The following EBNA1BP2 variants were observed in gnomAD, a reference collection of about 807,000 sequenced individuals.
EBNA1BP2 encodes the protein probable rRNA-processing protein EBP2.
EBNA1BP2 carries 36 observed loss-of-function variants against 43.5 expected under a neutral mutation model. That is an observed-to-expected ratio of 0.83 (90% CI 0.63 to 1.09). The LOEUF is 1.09. Ranked by LOEUF, EBNA1BP2 falls within the 50% of genes least tolerant of loss-of-function variation. The pLI, the probability that EBNA1BP2 is intolerant of heterozygous loss-of-function variation, is 0.00. For missense variants in EBNA1BP2, 332 were observed against 379.1 expected, an observed-to-expected ratio of 0.88 and a Z score of 1.03; for synonymous variants, 127 against 141.3, an observed-to-expected ratio of 0.90 and a Z score of 0.72.
intron 4 of EBNA1BP2, among the ~76,000 whole-genome samples, chr1:43,169,800 A>G (rs1644943374): frequency 6.6e-6 from 1 of 152,198 alleles, no homozygotes. Context: ...AAAGTGAGTG[A>G]CAGGCAAGCA....
intron 4 of EBNA1BP2, among the ~76,000 whole-genome samples, chr1:43,170,356 C>T (rs926265539): frequency 1.4e-4 from 22 of 152,066 alleles, no homozygotes; most frequent in African/African-American, 5.3e-4. Context: ...TCTAAGAATC[C>T]CTCATTTTAC....
In EBNA1BP2 at chr1:43,171,866, G is replaced by A. The variant is rs778828611; in HGVS notation, c.150+20C>T. ...GCGCATCCCATGTCCGAGTACCCCC[G>A]ACCCTGTGCCCACGCTCACCACGTC... On this transcript the variant is annotated intron_variant, in intron 2 of 8. Transcript: ENST00000236051. 6.8e-6 allele frequency: 11 copies of A among 1,612,864 alleles called. No homozygotes were observed. Among genetic ancestry groups the A allele is most frequent in the African/African-American group, 5.3e-5 (4 of 74,900 alleles).
chr1:43,167,635 T>C (rs1200989239), intron 5 of EBNA1BP2, among the ~76,000 whole-genome samples: 1 of 152,102 alleles, frequency 6.6e-6, no homozygotes, highest in East Asian at 1.9e-4. Context: ...TCGCATCACA[T>C]TTGGACAGAT....
rs773780597 is a variant in EBNA1BP2, at chr1:43,164,664, C to T, written c.849G>A (p.Arg283=). The T allele has an allele frequency of 1.2e-6, 2 of 1,614,220 alleles. No individual in the cohort carries two copies. The highest frequency in any genetic ancestry group is 4.5e-5 in the East Asian group (2 of 44,886). The change falls in exon 8 of 9, where the codon AGG becomes AGA. Residue 283 remains arginine (R), a synonymous_variant. Transcript: ENST00000236051. The part of the protein sequence containing the change: ...AKTAHGRGLK[R]PGKKGSNKRP... ...TTACATTTGACCCTTTCTTGCCAGG[C>T]CTCTTGAGGCCTCTGCCATGAGCTG...
upstream of EBNA1BP2, chr1:43,172,350 A>C (rs375902406): frequency 9.0e-6 from 14 of 1,551,544 alleles, 1 homozygote; most frequent in South Asian, 1.5e-4. Flanking sequence ...TGTCGTTGCT[A>C]TAGGAACCGC....
At chr1:43,172,561 C>A, upstream of EBNA1BP2, 2 of 657,068 alleles carry the variant, frequency 3.0e-6, no homozygotes, top group Non-Finnish European at 4.6e-6. Context: ...GAGGAGGACC[C>A]CGGGGGAGGG....
chr1:43,167,749 G>A (rs1279195777), intron 5 of EBNA1BP2, among the ~76,000 whole-genome samples: 2 of 152,168 alleles, frequency 1.3e-5, no homozygotes. Flanking sequence ...GATAAAAGGA[G>A]ACACTTTATA....
At chr1:43,166,103 C>G (rs760888500) in intron 7 of EBNA1BP2, among the ~76,000 whole-genome samples, 8 of 152,214 alleles carry the variant, frequency 5.3e-5, no homozygotes, top group Admixed American at 2.0e-4. Flanking sequence ...TTCTCTCTTT[C>G]AGTCTTCATA....
At chr1:43,170,071 G>A (rs891696810) in intron 4 of EBNA1BP2, among the ~76,000 whole-genome samples, 1 of 152,132 alleles carries the variant, frequency 6.6e-6, no homozygotes, top group African/African-American at 2.4e-5. Flanking sequence ...ATAGTCTCTA[G>A]ATTACTTATA....
chr1:43,170,842 G>A lies in EBNA1BP2; in HGVS notation c.361C>T (p.Pro121Ser). The part of the protein sequence containing the change: ...QAQAAVLAVL[P>S]RLHQLKVPTK... ...GGGACTTTGAGCTGATGGAGGCGGG[G>A]TAAGACTGCAAGCACTGCGGCCTGG... The change falls in exon 4 of 9, where the codon CCC becomes TCC. Residue 121 changes from proline (P) to serine (S), a missense_variant. Transcript: ENST00000236051. 1 of 1,601,266 alleles carries A rather than the reference G, an allele frequency of 6.2e-7. No homozygotes were observed. Among genetic ancestry groups the A allele is most frequent in the South Asian group, 1.1e-5 (1 of 88,566 alleles).
At chr1:43,164,934 T>C in intron 7 of EBNA1BP2, 129 bp from the exon 8 acceptor site, 1 of 1,166,178 alleles carries the variant, frequency 8.6e-7, no homozygotes, top group Non-Finnish European at 1.2e-6. Context: ...CAGAATCTCA[T>C]CCTTGGCCCC....
At chr1:43,164,525 A>G (rs1644905507) in intron 8 of EBNA1BP2, 32 bp from the exon 9 acceptor site, 3 of 1,614,182 alleles carry the variant, frequency 1.9e-6, no homozygotes, top group East Asian at 2.2e-5. Flanking sequence ...ATCTGGTCAC[A>G]TAGCAGCTTG....
chr1:43,171,579 C>A lies in EBNA1BP2; in HGVS notation c.223G>T (p.Gly75Cys). ...EWVERLDVTL[G>C]PVPEIGGSEA... The stretch of plus-strand genomic sequence containing the variant: ...GATCCACCGATCTCCGGTACCGGAC[C>A]CAGTGTCACATCGAGCCTTTCAACC... The change falls in exon 3 of 9, where the codon GGT (glycine) becomes TGT (cysteine). Residue 75 changes from glycine to cysteine, a missense_variant. Around this residue, in one of 3 missense-constraint regions of EBNA1BP2, gnomAD observed 182 missense variants for 173.7 expected, o/e 1.05. Transcript: ENST00000236051. 6.2e-7 allele frequency: 1 copy of A among 1,614,156 alleles called. No homozygotes were observed.
intron 3 of EBNA1BP2, chr1:43,171,163 G>A (rs1644963216): frequency 2.2e-6 from 1 of 458,712 alleles, no homozygotes; most frequent in Non-Finnish European, 3.7e-6. Context: ...GGATTCTTAT[G>A]TAATTACTAA....
At chr1:43,170,632 GA>G in intron 4 of EBNA1BP2, 123 bp downstream of exon 4, 1 of 1,365,680 alleles carries the variant, frequency 7.3e-7, no homozygotes, top group South Asian at 1.4e-5. Flanking sequence ...ATCTATGGAA[GA>G]GGTAATAATT....
At chr1:43,172,003 G>A (rs772432330) in intron 1 of EBNA1BP2, 34 bp from the exon 2 acceptor site, 2 of 1,614,034 alleles carry the variant, frequency 1.2e-6, no homozygotes, top group African/African-American at 2.7e-5. Flanking sequence ...TCCCAGGGGT[G>A]TAAGGCCCCC....
chr1:43,164,790 T>C lies in EBNA1BP2; in HGVS notation c.723A>G (p.Arg241=), dbSNP rs371798157. 2.5e-5 allele frequency: 40 copies of C among 1,614,128 alleles called. No individual in the cohort carries two copies. The highest frequency in any genetic ancestry group is 3.1e-5 in the Non-Finnish European group (37 of 1,180,054). Residue 241 remains arginine (R), a synonymous_variant, in exon 8 of 9, where the codon CGA becomes CGG. Coordinates refer to ENST00000236051, the MANE Select transcript of EBNA1BP2 (RefSeq NM_006824.3). ...QQMRKGPSAK[R]RYKNQKFGFG... ...AACCAAACTTCTGGTTTTTATACCG[T>C]CGTTTAGCACTGGGCCTGGAAAAGA...
intron 6 of EBNA1BP2, 57 bp downstream of exon 6, chr1:43,167,103 T>G (rs1317771859): frequency 6.3e-6 from 10 of 1,583,256 alleles, no homozygotes; most frequent in African/African-American, 1.3e-5. Flanking sequence ...GCACTAAGTG[T>G]TCAAATCAAC....
chr1:43,172,310 CG>C (rs879348173), upstream of EBNA1BP2: 3 of 1,551,776 alleles, frequency 1.9e-6, no homozygotes, highest in Non-Finnish European at 2.6e-6. Context: ...TTGGGACTTC[CG>C]CTTCCGGCGG....
Sources: gnomAD v4.1 joint callset for allele counts (sites outside exome capture counted in the v4.1 genomes callset) on GRCh38, gnomAD v4.1.1 for gene constraint, gnomAD v4.1.1 regional missense constraint, MANE v1.5 for transcripts, NCBI Gene and HGNC (gene_info 2026-07-23, HGNC 2026-07-21) for gene names.